Variants in EXOC4 observed in about 807,000 individuals in gnomAD.
EXOC4 encodes SEC8-like 1.
Under a neutral mutation model 107.2 loss-of-function variants are expected in EXOC4, and 71 were observed. The observed-to-expected ratio is 0.66, with a 90% CI of 0.55 to 0.81. EXOC4 has a LOEUF of 0.81. Ranked by LOEUF, EXOC4 falls within the 30% of genes least tolerant of loss-of-function variation. The pLI is 0.00. For missense variants in EXOC4, 1,108 were observed against 1,189.6 expected, an observed-to-expected ratio of 0.93 and a Z score of 1.01; for synonymous variants, 456 against 441.2, an observed-to-expected ratio of 1.03 and a Z score of -0.42.
chr7:133,565,055 GTTAGAA>G (rs1800881077), intron 9 of EXOC4, among the ~76,000 whole-genome samples: 1 of 152,170 alleles, frequency 6.6e-6, no homozygotes, highest in Non-Finnish European at 1.5e-5. Context: ...TTTAGTTAGA[GTTAGAA>G]TTAGAATCCC....
chr7:133,592,973 C>T (rs1801585150), intron 9 of EXOC4, among the ~76,000 whole-genome samples: 1 of 152,118 alleles, frequency 6.6e-6, no homozygotes. Flanking sequence ...TCTCAAACTC[C>T]TGACCTCAAG....
chr7:133,711,326 A>G (rs780331821), intron 10 of EXOC4, among the ~76,000 whole-genome samples: 8 of 152,224 alleles, frequency 5.3e-5, no homozygotes, highest in Non-Finnish European at 1.2e-4. Flanking sequence ...CTGGATTGCA[A>G]TGCTCAGACT....
intron 11 of EXOC4, 77 bp downstream of exon 11, chr7:133,817,621 A>G (rs1797403959): frequency 9.4e-7 from 1 of 1,062,998 alleles, no homozygotes; most frequent in Middle Eastern, 2.4e-4. Context: ...TTTAAAAAAG[A>G]AGAATTACCA....
intron 17 of EXOC4, among the ~76,000 whole-genome samples, chr7:134,015,068 G>A (rs1794869459): frequency 6.6e-6 from 1 of 152,164 alleles, no homozygotes; most frequent in Non-Finnish European, 1.5e-5. Context: ...GGGGACTGGA[G>A]AAGATGTTCA....
intron 6 of EXOC4, among the ~76,000 whole-genome samples, chr7:133,356,840 C>T (rs931477686): frequency 6.6e-6 from 1 of 152,156 alleles, no homozygotes; most frequent in Non-Finnish European, 1.5e-5. Context: ...ATTAGCTGGG[C>T]ATGGTAGTGC....
chr7:133,798,568 A>G (rs1020123457), intron 10 of EXOC4, among the ~76,000 whole-genome samples: 5 of 152,334 alleles, frequency 3.3e-5, no homozygotes, highest in East Asian at 1.9e-4. Context: ...TGCCAACCTT[A>G]TAATAACCCT....
chr7:134,039,693 C>T (rs373880073), intron 17 of EXOC4, among the ~76,000 whole-genome samples: 1 of 152,120 alleles, frequency 6.6e-6, no homozygotes, highest in South Asian at 2.1e-4. Context: ...CTCAGGATAC[C>T]CAGGTTTTCA....
At chr7:133,578,478 A>G (rs924458176) in intron 9 of EXOC4, among the ~76,000 whole-genome samples, 3 of 152,174 alleles carry the variant, frequency 2.0e-5, no homozygotes, top group African/African-American at 4.8e-5. Context: ...TCTTATCACT[A>G]TGGCTAGCTT....
At chr7:133,598,664 C>G (rs923975127) in intron 9 of EXOC4, among the ~76,000 whole-genome samples, 1 of 152,072 alleles carries the variant, frequency 6.6e-6, no homozygotes, top group African/African-American at 2.4e-5. Flanking sequence ...CATTTAACAT[C>G]TGAATTGGGT....
chr7:133,275,320 C>T, intron 2 of EXOC4, 149 bp downstream of exon 2: 1 of 608,328 alleles, frequency 1.6e-6, no homozygotes, highest in Non-Finnish European at 2.6e-6. Flanking sequence ...TCTGGAAAGG[C>T]TGGTTGGGAA....
intron 9 of EXOC4, chr7:133,484,247 T>C (rs575087461): frequency 4.9e-5 from 65 of 1,337,812 alleles, no homozygotes; most frequent in Non-Finnish European, 5.7e-5. Context: ...CTAACTGTTA[T>C]GGTACAGATG....
intron 9 of EXOC4, among the ~76,000 whole-genome samples, chr7:133,535,017 T>G (rs559779585): frequency 6.6e-6 from 1 of 152,296 alleles, no homozygotes; most frequent in South Asian, 2.1e-4. Flanking sequence ...GAGTCATTAC[T>G]TGGAGACGAG....
chr7:133,463,227 A>T (rs1798636590), intron 7 of EXOC4, among the ~76,000 whole-genome samples: 1 of 152,200 alleles, frequency 6.6e-6, no homozygotes, highest in South Asian at 2.1e-4. Context: ...GAGAAGAGCC[A>T]CAACTAACTA....
At chr7:133,455,635 T>G (rs1798446286) in intron 7 of EXOC4, among the ~76,000 whole-genome samples, 1 of 152,328 alleles carries the variant, frequency 6.6e-6, no homozygotes, top group East Asian at 1.9e-4. Context: ...ATCTGAAAAT[T>G]CAAGTGGTAG....
At chr7:134,024,038 A>G (rs1795081973) in intron 17 of EXOC4, among the ~76,000 whole-genome samples, 2 of 152,196 alleles carry the variant, frequency 1.3e-5, no homozygotes, top group Admixed American at 6.5e-5. Context: ...GGAAGGCTGG[A>G]CCACACCTTA....
intron 10 of EXOC4, among the ~76,000 whole-genome samples, chr7:133,717,433 A>G (rs1490041480): frequency 1.3e-5 from 2 of 152,188 alleles, no homozygotes; most frequent in Non-Finnish European, 2.9e-5. Context: ...GGCTGTGCAC[A>G]TGCTTGCCGC....
chr7:133,306,591 T>C (rs1050438087), intron 4 of EXOC4, among the ~76,000 whole-genome samples: 2 of 151,926 alleles, frequency 1.3e-5, no homozygotes, highest in African/African-American at 4.8e-5. Context: ...TCTCAACTAC[T>C]CCAGAGGCTG....
chr7:133,657,867 A>G (rs930035621), intron 10 of EXOC4, among the ~76,000 whole-genome samples: 1 of 152,312 alleles, frequency 6.6e-6, no homozygotes, highest in East Asian at 1.9e-4. Flanking sequence ...TCATTCAGCA[A>G]TCAATTACTG....
chr7:133,439,673 TG>T (rs1371098263), intron 7 of EXOC4, among the ~76,000 whole-genome samples: 1 of 152,204 alleles, frequency 6.6e-6, no homozygotes, highest in Non-Finnish European at 1.5e-5. Context: ...CATGGTTACT[TG>T]GGACCAAAAA....
Sources: gnomAD v4.1 joint callset for allele counts (sites outside exome capture counted in the v4.1 genomes callset) on GRCh38, gnomAD v4.1.1 for gene constraint, MANE v1.5 for transcripts, NCBI Gene and HGNC (gene_info 2026-07-23, HGNC 2026-07-21) for gene names.